APBA1: variants seen among roughly 807,000 people sequenced by gnomAD.
The protein encoded by APBA1 is amyloid-beta A4 precursor protein-binding family A member 1.
APBA1 carries 55 observed loss-of-function variants against 86.6 expected under a neutral mutation model. The ratio of observed to expected loss-of-function variants is 0.64; its 90% CI spans 0.51 to 0.80. APBA1 has a LOEUF of 0.80. APBA1 is among the 30% of genes least tolerant of loss of function. The pLI, the probability that APBA1 is intolerant of heterozygous loss-of-function variation, is 0.00. For synonymous variants in APBA1, 511 were observed against 493.9 expected, an observed-to-expected ratio of 1.03 and a Z score of -0.46; for missense variants, 1,090 against 1,183.0, an observed-to-expected ratio of 0.92 and a Z score of 1.15.
chr9:69,488,231 A>G (rs1835642673), intron 2 of APBA1, among the ~76,000 whole-genome samples: 1 of 152,094 alleles, frequency 6.6e-6, no homozygotes, highest in South Asian at 2.1e-4. Context: ...TTTTAATGAA[A>G]TGTTTCTCTT....
rs567652839 is a variant in APBA1 at position 69,607,358 on chromosome 9, G to T, written c.-70+64795C>A. 2.0e-5 allele frequency among the ~76,000 whole-genome samples: 3 copies of T among 152,162 alleles called. No individual in the cohort carries two copies. In the South Asian group the frequency reaches 6.2e-4, roughly 32 times the overall value. The stretch of plus-strand genomic sequence containing the variant: ...TTGTGAGACTTATTCACTATCATGA[G>T]AACAGCATGGGAAGGACCCGCCCCC... On this transcript the variant is annotated intron_variant, in intron 1 of 12. Transcript: ENST00000265381.
chr9:69,434,828 G>C (rs982062665), intron 11 of APBA1, among the ~76,000 whole-genome samples: 2 of 151,680 alleles, frequency 1.3e-5, no homozygotes, highest in Non-Finnish European at 2.9e-5. Context: ...AAGTTTTAGG[G>C]TACATGGGCA....
intron 1 of APBA1, among the ~76,000 whole-genome samples, chr9:69,590,380 C>A (rs1363074093): frequency 6.6e-6 from 1 of 152,140 alleles, no homozygotes; most frequent in Non-Finnish European, 1.5e-5. Flanking sequence ...GGTTCTAGTC[C>A]TGGCTTTGGG....
At chr9:69,442,073 C>G (rs1279437416) in intron 10 of APBA1, among the ~76,000 whole-genome samples, 1 of 152,220 alleles carries the variant, frequency 6.6e-6, no homozygotes, top group African/African-American at 2.4e-5. Flanking sequence ...GGCCTGACCA[C>G]TGACTTGTCA....
intron 1 of APBA1, among the ~76,000 whole-genome samples, chr9:69,527,138 G>A (rs1220450972): frequency 6.6e-6 from 1 of 151,978 alleles, no homozygotes; most frequent in Non-Finnish European, 1.5e-5. Flanking sequence ...GCTCAGTTTT[G>A]AGTGATAGTA....
rs138020909 is a variant in APBA1, at chr9:69,564,216, A to T, written c.-69-46937T>A. ...TGAAGAGCCCTGGAAGAGCAGGGGC[A>T]ATTTAATCTCTGCAGCAATGCTTTG... On this transcript the variant is annotated intron_variant, in intron 1 of 12. Transcript: ENST00000265381. Among the ~76,000 whole-genome samples, 3 of 152,314 alleles carry T rather than the reference A, an allele frequency of 2.0e-5. No individual in the cohort carries two copies. In the East Asian group the frequency reaches 5.8e-4, roughly 29 times the overall value.
chr9:69,431,807 GCAGTGATGAATGACAGCAGTGATGACTGA>G (rs1490558816), intron 12 of APBA1, among the ~76,000 whole-genome samples: 1 of 152,150 alleles, frequency 6.6e-6, no homozygotes, highest in East Asian at 1.9e-4. Flanking sequence ...ATGATTGATA[GCAGTGATGAATGACAGCAGTGATGACTGA>G]CAGCAATGAA....
intron 1 of APBA1, among the ~76,000 whole-genome samples, chr9:69,518,736 T>A (rs950942923): frequency 1.3e-5 from 2 of 152,092 alleles, no homozygotes; most frequent in Non-Finnish European, 2.9e-5. Context: ...GGAAGTGAAC[T>A]CTTAAATATG....
At chr9:69,449,530 C>T in intron 10 of APBA1, 54 bp downstream of exon 10, 2 of 1,499,518 alleles carry the variant, frequency 1.3e-6, no homozygotes, top group East Asian at 2.3e-5. Context: ...GGGGGTCACA[C>T]TTCACATCAC....
chr9:69,662,653 G>A (rs1026352522), intron 1 of APBA1, among the ~76,000 whole-genome samples: 1 of 152,130 alleles, frequency 6.6e-6, no homozygotes, highest in African/African-American at 2.4e-5. Context: ...TCACATCTGG[G>A]AAGAAATAAT....
chr9:69,526,560 C>T (rs929315820), intron 1 of APBA1, among the ~76,000 whole-genome samples: 6 of 152,028 alleles, frequency 3.9e-5, no homozygotes, highest in African/African-American at 1.4e-4. Flanking sequence ...TACAAAAACT[C>T]AAACAACAAC....
In APBA1 at chr9:69,457,114, A is replaced by G. The variant is rs1281720946; in HGVS notation, c.1541T>C (p.Met514Thr). The change falls in exon 7 of 13, where the codon ATG becomes ACG. Residue 514 changes from methionine to threonine, a missense_variant. Transcript: ENST00000265381. ...AGAAATGAAGAGATCCACTTCAGTC[A>G]TTGGCTGAGATTCGCCTTCAGGAGC... ...KKAPEGESQP[M>T]TEVDLFISTQ... 1 of 1,614,086 alleles carries G rather than the reference A, an allele frequency of 6.2e-7. No homozygotes were observed. Among genetic ancestry groups the G allele is most frequent in the Non-Finnish European group, 8.5e-7 (1 of 1,180,038 alleles).
chr9:69,456,336 T>G lies in APBA1; in HGVS notation c.1699A>C (p.Asn567His). Residue 567 changes from asparagine (N) to histidine (H), a missense_variant, in exon 8 of 13, where the codon AAC becomes CAC. This residue lies in a region of APBA1 where 103 missense variants were observed against 91.9 expected (regional missense o/e 1.12). Coordinates refer to ENST00000265381, the MANE Select transcript of APBA1 (RefSeq NM_001163.4). ...GACGCTTCCACGTTCTCCTGGGAGT[T>G]GGAGCGAGGCATCCGCCGGCGGGCC... ...LMARRRMPRS[N>H]SQENVEASHP... 2 of 1,614,182 alleles carry G rather than the reference T, an allele frequency of 1.2e-6. No individual in the cohort carries two copies. The highest frequency in any genetic ancestry group is 1.7e-6 in the Non-Finnish European group (2 of 1,180,024).
At chr9:69,579,207 C>T (rs1821865403) in intron 1 of APBA1, among the ~76,000 whole-genome samples, 2 of 152,106 alleles carry the variant, frequency 1.3e-5, no homozygotes, top group African/African-American at 4.8e-5. Flanking sequence ...CTATACTCTA[C>T]ATACTGCAGC....
intron 2 of APBA1, among the ~76,000 whole-genome samples, chr9:69,512,816 G>A (rs551793622): frequency 1.3e-5 from 2 of 152,044 alleles, no homozygotes; most frequent in Non-Finnish European, 2.9e-5. Flanking sequence ...GGAAACGAAG[G>A]GCAGTAACTT....
intron 1 of APBA1, among the ~76,000 whole-genome samples, chr9:69,669,732 C>T (rs1343818404): frequency 1.3e-5 from 2 of 152,166 alleles, no homozygotes; most frequent in Non-Finnish European, 2.9e-5. Context: ...TATGATCACA[C>T]TACTGCACTC....
intron 11 of APBA1, among the ~76,000 whole-genome samples, chr9:69,433,290 G>A (rs967280135): frequency 1.3e-5 from 2 of 152,208 alleles, no homozygotes; most frequent in African/African-American, 2.4e-5. Context: ...GGTTGCAGGC[G>A]GGGCTGATGC....
intron 1 of APBA1, among the ~76,000 whole-genome samples, chr9:69,524,410 T>C (rs753361887): frequency 6.6e-5 from 10 of 151,850 alleles, no homozygotes; most frequent in Non-Finnish European, 1.0e-4. Flanking sequence ...TTATAACCAA[T>C]CACACAGAAA....
intron 2 of APBA1, among the ~76,000 whole-genome samples, chr9:69,491,757 C>A (rs998376478): frequency 7.4e-6 from 1 of 134,492 alleles, no homozygotes; most frequent in Non-Finnish European, 1.6e-5. Context: ...TTTCATTTAT[C>A]CCTTGAATTT....
Sources: gnomAD v4.1 joint callset for allele counts (sites outside exome capture counted in the v4.1 genomes callset) on GRCh38, gnomAD v4.1.1 for gene constraint, gnomAD v4.1.1 regional missense constraint, MANE v1.5 for transcripts, NCBI Gene and HGNC (gene_info 2026-07-23, HGNC 2026-07-21) for gene names.